ZNF532: variants seen among roughly 807,000 people sequenced by gnomAD.
The protein encoded by ZNF532 is zinc finger protein 532.
In ZNF532, 22 loss-of-function variants were observed where a neutral mutation model predicts 89.3. The ratio of observed to expected loss-of-function variants is 0.25; its 90% CI spans 0.18 to 0.35. The LOEUF is 0.35. Ranked by LOEUF, ZNF532 falls within the 10% of genes least tolerant of loss-of-function variation. ZNF532 has a pLI of 1.00. For synonymous variants in ZNF532, 606 were observed against 649.6 expected, an observed-to-expected ratio of 0.93 and a Z score of 1.02; for missense variants, 1,132 against 1,643.4, an observed-to-expected ratio of 0.69 and a Z score of 5.38.
intron 9 of ZNF532, among the ~76,000 whole-genome samples, chr18:58,982,376 T>A (rs979947171): frequency 6.6e-6 from 1 of 151,740 alleles, no homozygotes; most frequent in African/African-American, 2.4e-5. Flanking sequence ...ATCCCAGCAC[T>A]TTGGGAAGCT....
chr18:58,914,681 G>GA (rs1181355396), intron 2 of ZNF532, among the ~76,000 whole-genome samples: 1 of 152,074 alleles, frequency 6.6e-6, no homozygotes, highest in Non-Finnish European at 1.5e-5. Context: ...CTCCGTCTCG[G>GA]AAAAAATAAA....
chr18:58,892,864 C>T (rs2058995330), intron 2 of ZNF532, among the ~76,000 whole-genome samples: 1 of 152,158 alleles, frequency 6.6e-6, no homozygotes, highest in Non-Finnish European at 1.5e-5. Context: ...ATGATGAGAT[C>T]TGTGACTGCT....
At chr18:58,943,287 G>T (rs1036856570) in intron 5 of ZNF532, among the ~76,000 whole-genome samples, 2 of 150,654 alleles carry the variant, frequency 1.3e-5, no homozygotes, top group South Asian at 2.1e-4. Flanking sequence ...AGCCTCCTGA[G>T]TACCTGGGAC....
intron 2 of ZNF532, among the ~76,000 whole-genome samples, chr18:58,911,315 G>C (rs919158869): frequency 6.6e-6 from 1 of 152,268 alleles, no homozygotes; most frequent in African/African-American, 2.4e-5. Flanking sequence ...GTACAGGCAA[G>C]ATTTGAAGGA....
At chr18:58,955,339 C>T (rs1174222433) in intron 7 of ZNF532, among the ~76,000 whole-genome samples, 1 of 152,176 alleles carries the variant, frequency 6.6e-6, no homozygotes, top group Non-Finnish European at 1.5e-5. Flanking sequence ...TACCAGCTAC[C>T]AGCTTGTCTC....
In ZNF532 at chr18:58,957,352, G is replaced by C. The variant is rs994156625; in HGVS notation, c.3150+3553G>C. ...ATTAGGATAAATATGTCAGCGTTCTGAACCAGTGAACTTTGTATACTTGAT... is the reference window on the plus strand; with the variant it reads ...ATTAGGATAAATATGTCAGCGTTCTCAACCAGTGAACTTTGTATACTTGAT... On this transcript the variant is annotated intron_variant, in intron 7 of 9. Coordinates refer to ENST00000591808, the MANE Select transcript of ZNF532 (RefSeq NM_001375912.1). 4.5e-5 allele frequency among the ~76,000 whole-genome samples: 5 copies of C among 111,818 alleles called. No individual in the cohort carries two copies. The East Asian group carries it at 1.5e-3, about 34-fold the overall frequency. The allele number at this position is 111,818 out of a possible 152,430, so 73.4% of individuals were successfully genotyped here.
chr18:58,948,247 C>G lies in ZNF532; in HGVS notation c.2868+18C>G, dbSNP rs773359530. 5.5e-5 allele frequency: 87 copies of G among 1,588,786 alleles called. No individual in the cohort carries two copies. The South Asian group carries it at 9.8e-4, about 18-fold the overall frequency. ...ATATCAAGGTGTGTGTGCATCTATC[C>G]TCTACTTTAAATGAATTGCAGATCC... is the stretch of plus-strand genomic sequence containing the variant. On this transcript the variant is annotated intron_variant, in intron 6 of 9. Transcript: ENST00000591808.
At chr18:58,905,352 C>T (rs1300126087) in intron 2 of ZNF532, among the ~76,000 whole-genome samples, 1 of 151,612 alleles carries the variant, frequency 6.6e-6, no homozygotes. Flanking sequence ...CGTCTCATCC[C>T]GGCTCTCCCC....
chr18:58,863,687 G>A (rs2144271800), upstream of ZNF532: 1 of 152,904 alleles, frequency 6.5e-6, no homozygotes, highest in South Asian at 1.8e-4. Context: ...CTGAACAAAG[G>A]TCATCCGAGC....
chr18:58,951,424 C>G (rs751645653), intron 6 of ZNF532, among the ~76,000 whole-genome samples: 4 of 152,058 alleles, frequency 2.6e-5, no homozygotes, highest in Non-Finnish European at 4.4e-5. Flanking sequence ...TGAAAAGTTG[C>G]TAGAGGGTTT....
intron 2 of ZNF532, among the ~76,000 whole-genome samples, chr18:58,868,781 T>G (rs1275243168): frequency 1.3e-5 from 2 of 152,264 alleles, no homozygotes; most frequent in African/African-American, 2.4e-5. Context: ...TAAGTTTTTA[T>G]TTCTTTTTGC....
intron 7 of ZNF532, among the ~76,000 whole-genome samples, chr18:58,970,030 C>T (rs1047196746): frequency 2.0e-5 from 3 of 151,866 alleles, no homozygotes; most frequent in African/African-American, 7.3e-5. Context: ...ATTACAGATG[C>T]ATGCCACCAC....
intron 4 of ZNF532, among the ~76,000 whole-genome samples, chr18:58,936,059 C>T (rs546191811): frequency 6.6e-6 from 1 of 152,310 alleles, no homozygotes; most frequent in East Asian, 1.9e-4. Flanking sequence ...GGATTGAGAT[C>T]TAGCCTGGTG....
chr18:58,875,887 G>A lies in ZNF532; in HGVS notation c.-18+10308G>A, dbSNP rs187851962. Among the ~76,000 whole-genome samples, 60 of 149,866 alleles carry A rather than the reference G, an allele frequency of 4.0e-4. 1 individual carries two copies. Among genetic ancestry groups the A allele is most frequent in the African/African-American group, 1.4e-3 (57 of 40,874 alleles). ...CTCTCGGGAGCCCTTGTCGTCTAGA[G>A]TGTATTTCTCACACTTTAGTTTGCA... is the stretch of plus-strand genomic sequence containing the variant. On this transcript the variant is annotated intron_variant, in intron 2 of 9. Coordinates refer to ENST00000591808, the MANE Select transcript of ZNF532 (RefSeq NM_001375912.1).
At chr18:58,890,909 A>G (rs2058853431) in intron 2 of ZNF532, among the ~76,000 whole-genome samples, 1 of 149,372 alleles carries the variant, frequency 6.7e-6, no homozygotes, top group African/African-American at 2.5e-5. Context: ...CAGTGATGCT[A>G]TCATAGCTCA....
chr18:58,973,849 A>G (rs1041084592), intron 7 of ZNF532, among the ~76,000 whole-genome samples: 5 of 152,210 alleles, frequency 3.3e-5, no homozygotes, highest in Non-Finnish European at 5.9e-5. Flanking sequence ...TGGAGGAATT[A>G]TATGTGTATT....
rs770210782 is a variant in ZNF532 at position 58,919,756 on chromosome 18, G to A, written c.1469G>A (p.Ser490Asn). 7 of 1,614,178 alleles carry A rather than the reference G, an allele frequency of 4.3e-6. No individual in the cohort carries two copies. The Admixed American group carries it at 1.2e-4, about 27-fold the overall frequency. The change falls in exon 3 of 10, where the codon AGC (serine) becomes AAC (asparagine). Residue 490 changes from serine to asparagine, a missense_variant. Ser to Asn is a conservative substitution (Grantham distance 46). Coordinates refer to ENST00000591808, the MANE Select transcript of ZNF532 (RefSeq NM_001375912.1). The surrounding 1 kb of genome is among the most constrained non-coding windows in gnomAD (Gnocchi z 6.1). The part of the protein sequence containing the change: ...VISAASVQSA[S>N]SAIIKAANAI... Reference sequence around the variant, plus strand: ...TCTGCTGCCTCTGTCCAGAGTGCCAGCAGCGCCATCATTAAAGCTGCCAAC... The same window carrying A: ...TCTGCTGCCTCTGTCCAGAGTGCCAACAGCGCCATCATTAAAGCTGCCAAC...
At chr18:58,897,550 C>T (rs1305114248) in intron 2 of ZNF532, among the ~76,000 whole-genome samples, 1 of 152,184 alleles carries the variant, frequency 6.6e-6, no homozygotes, top group East Asian at 1.9e-4. Flanking sequence ...GATTAGTTAT[C>T]ATGACAGATT....
intron 5 of ZNF532, among the ~76,000 whole-genome samples, chr18:58,946,785 G>A (rs1414119858): frequency 2.4e-4 from 36 of 152,092 alleles, no homozygotes; most frequent in Admixed American, 2.3e-3. Context: ...CTTGTGCTCT[G>A]CAGTAAAGTA....
Sources: gnomAD v4.1 joint callset for allele counts (sites outside exome capture counted in the v4.1 genomes callset) on GRCh38, gnomAD v4.1.1 for gene constraint, Gnocchi (gnomAD v3.1) non-coding constraint, MANE v1.5 for transcripts, NCBI Gene and HGNC (gene_info 2026-07-23, HGNC 2026-07-21) for gene names.